Variants in PCNX2 observed in about 807,000 individuals in gnomAD.
The protein encoded by PCNX2 is pecanex 2, also known as pecanex-like protein 2.
In PCNX2, 168 loss-of-function variants were observed where a neutral mutation model predicts 223.8. The observed-to-expected ratio is 0.75, with a 90% CI of 0.66 to 0.85. PCNX2 has a LOEUF of 0.85. Ranked by LOEUF, PCNX2 falls within the 40% of genes least tolerant of loss-of-function variation. The pLI, the probability that PCNX2 is intolerant of heterozygous loss-of-function variation, is 0.00. For synonymous variants in PCNX2, 1,006 were observed against 1,052.6 expected (o/e 0.96, Z 0.86); for missense variants, 2,507 against 2,675.5 (o/e 0.94, Z 1.39).
At chr1:233,166,994 TA>T (rs546392531) in intron 17 of PCNX2, among the ~76,000 whole-genome samples, 165 of 151,938 alleles carry the variant, frequency 1.1e-3, no homozygotes, top group African/African-American at 3.8e-3. Context: ...AAAAAAAAGA[TA>T]CTAAAAACAG....
At chr1:233,166,907 C>T (rs1043386397) in intron 17 of PCNX2, among the ~76,000 whole-genome samples, 10 of 151,938 alleles carry the variant, frequency 6.6e-5, no homozygotes, top group African/African-American at 2.4e-4. Flanking sequence ...TTTGGGAGGC[C>T]GAGGTGGCAA....
At chr1:233,057,934 T>C (rs753707361) in intron 23 of PCNX2, 70 of 985,360 alleles carry the variant, frequency 7.1e-5, no homozygotes, top group Non-Finnish European at 8.3e-5. Context: ...CACAAAGGTA[T>C]CTTTCTCTTC....
Position 233,082,166 on chromosome 1 carries a change from T to C in PCNX2, c.4076+7895A>G, listed in dbSNP as rs371640134. Among the ~76,000 whole-genome samples the C allele has an allele frequency of 2.0e-5, 3 of 152,274 alleles. No homozygotes were observed. In the South Asian group the frequency reaches 6.2e-4, roughly 32 times the overall value. The stretch of plus-strand genomic sequence containing the variant: ...ACTTCCTTGAGTTTCTTTTTTCTGA[T>C]CTGTCAAATAAGAAAAATGAAAGTC... On this transcript the variant is annotated intron_variant, in intron 23 of 33. Transcript: ENST00000258229.
intron 8 of PCNX2, among the ~76,000 whole-genome samples, chr1:233,249,800 T>A (rs1434013252): frequency 6.6e-6 from 1 of 152,118 alleles, no homozygotes; most frequent in Non-Finnish European, 1.5e-5. Flanking sequence ...TAAGAAACAG[T>A]AGTGGCTTTA....
At chr1:233,268,103 G>T (rs1242982778) in intron 1 of PCNX2, among the ~76,000 whole-genome samples, 2 of 152,140 alleles carry the variant, frequency 1.3e-5, no homozygotes, top group Non-Finnish European at 2.9e-5. Context: ...GTAGAGACTA[G>T]GTTTCACCAT....
At chr1:233,217,978 AG>A (rs372602057) in intron 11 of PCNX2, 47 bp from the exon 12 acceptor site, 7 of 1,613,298 alleles carry the variant, frequency 4.3e-6, no homozygotes, top group African/African-American at 2.7e-5. Context: ...CATGATTTCA[AG>A]GCTACATTAG....
chr1:233,322,021 T>A, the PCNX2 span, among the ~76,000 whole-genome samples: 1 of 152,130 alleles, frequency 6.6e-6, no homozygotes. Flanking sequence ...GAAGCAGTAA[T>A]TAGTTAAAGA....
At chr1:233,266,194 T>C (rs546703871) in intron 1 of PCNX2, among the ~76,000 whole-genome samples, 131 of 152,310 alleles carry the variant, frequency 8.6e-4, no homozygotes, top group Non-Finnish European at 1.5e-3. Flanking sequence ...CCAAACTCCC[T>C]GATCTCTTAA....
chr1:233,165,099 T>C (rs976356543), intron 17 of PCNX2, among the ~76,000 whole-genome samples: 21 of 152,180 alleles, frequency 1.4e-4, no homozygotes, highest in African/African-American at 4.6e-4. Context: ...CATTGCAGAA[T>C]GCATACATGT....
intron 1 of PCNX2, among the ~76,000 whole-genome samples, chr1:233,276,651 G>T (rs756848771): frequency 9.2e-5 from 14 of 152,170 alleles, no homozygotes; most frequent in African/African-American, 3.4e-4. Flanking sequence ...GAGAGCTCGC[G>T]ATTTCCCTTC....
chr1:233,165,676 C>T (rs1678751909), intron 17 of PCNX2, among the ~76,000 whole-genome samples: 1 of 151,944 alleles, frequency 6.6e-6, no homozygotes, highest in Admixed American at 6.6e-5. Context: ...ACGGAAACCA[C>T]CTAACATCAG....
the PCNX2 span, among the ~76,000 whole-genome samples, chr1:233,324,427 T>A: frequency 1.3e-5 from 2 of 152,162 alleles, no homozygotes; most frequent in Admixed American, 1.3e-4. Context: ...AGGCTGACTC[T>A]CTTGTTAAGG....
chr1:233,035,193 A>G (rs994411090), intron 25 of PCNX2, among the ~76,000 whole-genome samples: 3 of 152,206 alleles, frequency 2.0e-5, no homozygotes, highest in African/African-American at 7.2e-5. Context: ...CATTGAGAAC[A>G]TTGCCATTAA....
chr1:233,284,751 A>C (rs115735880), intron 1 of PCNX2, among the ~76,000 whole-genome samples: 1,533 of 152,206 alleles, frequency 0.01, 13 homozygotes, highest in South Asian at 0.026. Flanking sequence ...GAATTGCACT[A>C]TCCTTCCCCT....
intron 26 of PCNX2, among the ~76,000 whole-genome samples, chr1:233,022,493 G>A (rs1670927288): frequency 6.6e-6 from 1 of 152,064 alleles, no homozygotes; most frequent in Admixed American, 6.6e-5. Flanking sequence ...GAAGCTGCGG[G>A]CATGTGGAAG....
intron 8 of PCNX2, among the ~76,000 whole-genome samples, chr1:233,239,851 G>A (rs1658647155): frequency 1.3e-5 from 2 of 152,164 alleles, no homozygotes; most frequent in Admixed American, 6.5e-5. Flanking sequence ...AGCAGGCATG[G>A]GGGAAGAGTA....
intron 28 of PCNX2, among the ~76,000 whole-genome samples, chr1:233,012,035 A>G (rs755088304): frequency 5.3e-5 from 8 of 152,064 alleles, no homozygotes; most frequent in Non-Finnish European, 1.0e-4. Context: ...TCAGAAGTGA[A>G]CTGGAGGACA....
intron 21 of PCNX2, among the ~76,000 whole-genome samples, chr1:233,125,049 G>A (rs1676020174): frequency 6.6e-6 from 1 of 152,152 alleles, no homozygotes; most frequent in Non-Finnish European, 1.5e-5. Flanking sequence ...AAAGCACAGA[G>A]GATACAAAGA....
chr1:232,987,224 G>T (rs550632645), intron 32 of PCNX2, among the ~76,000 whole-genome samples: 52 of 152,300 alleles, frequency 3.4e-4, no homozygotes, highest in East Asian at 2.5e-3. Context: ...GCTGAAACTT[G>T]TCTAGACAAG....
Sources: allele counts gnomAD v4.1 joint callset (sites outside exome capture counted in the v4.1 genomes callset), GRCh38; gene constraint gnomAD v4.1.1; transcripts MANE v1.5; gene names NCBI Gene and HGNC (gene_info 2026-07-23, HGNC 2026-07-21).